F8: variants seen among roughly 807,000 people sequenced by gnomAD.
The protein encoded by F8 is coagulation factor VIII.
In F8, 12 loss-of-function variants were observed where a neutral mutation model predicts 140.6. The ratio of observed to expected loss-of-function variants is 0.09; its 90% confidence interval spans 0.05 to 0.14. The LOEUF (loss-of-function observed/expected upper bound fraction) is 0.14. F8 is among the 10% of genes least tolerant of loss of function. The probability of loss-of-function intolerance (pLI) is 1.00; values close to 1 mark genes in which losing one functional copy is unlikely to be tolerated. For synonymous variants in F8, 585 were observed against 614.6 expected (o/e 0.95, Z 0.71); for missense variants, 1,354 against 1,720.7 (o/e 0.79, Z 3.77).
At position 154,905,034 on chromosome X, in the gene F8, A is replaced by G; in HGVS notation, c.5374-11T>C. 8.7e-7 allele frequency: 1 copy of G among 1,149,286 alleles called. No homozygotes were observed. The highest frequency in any genetic ancestry group is 1.2e-6 in the Non-Finnish European group (1 of 840,404). The allele number at this position is 1,149,286 out of a possible 1,213,427, so 94.7% of individuals were successfully genotyped here. ...ATTTCTGAAAGTTACCTGTAGAACA[A>G]TAACGACAAAAAAAAAAAAGCAAGA... On this transcript the variant is annotated splice_polypyrimidine_tract_variant and intron_variant, in intron 15 of 25. Coordinates refer to ENST00000360256, the MANE Select transcript of F8 (RefSeq NM_000132.4).
chrX:154,839,655 C>T (rs1370080169), intron 25 of F8, among the ~76,000 whole-genome samples: 2 of 111,543 alleles, frequency 1.8e-5, no homozygotes, highest in Non-Finnish European at 3.8e-5. Context: ...AAAGGTCTTC[C>T]TCATTATTCC....
chrX:154,927,128 C>T (rs1163593230), intron 14 of F8, among the ~76,000 whole-genome samples: 1 of 111,388 alleles, frequency 9.0e-6, no homozygotes, highest in Non-Finnish European at 1.9e-5. Context: ...GGCTAGTAAT[C>T]AGTAATGTAA....
rs1188007183 is a variant in F8, at chrX:154,953,756, A to C, written c.1903+136T>G. 4.9e-6 allele frequency: 4 copies of C among 818,714 alleles called. No individual in the cohort carries two copies. The African/African-American group carries it at 8.1e-5, about 17-fold the overall frequency. 67.5% of individuals were successfully genotyped at this position (818,714 alleles called of 1,213,427 possible). ...TTATATGATCACGTGTGTTTGAGTA[A>C]AAATTATACATTTATAGGTAACATA... is the stretch of plus-strand genomic sequence containing the variant. On this transcript the variant is annotated intron_variant, in intron 12 of 25. Transcript: ENST00000360256.
rs782815678 is a variant in F8, at chrX:154,861,675, C to G, written c.6723+43G>C. 5.8e-6 allele frequency: 7 copies of G among 1,201,941 alleles called. No individual in the cohort carries two copies. The Admixed American group carries it at 8.8e-5, about 15-fold the overall frequency. ...GGCCTTCCCCGATTTTTTCCCCAAC[C>G]ACTGCTCTGAGTCAGTTAAACAGTA... On this transcript the variant is annotated intron_variant, in intron 24 of 25. Transcript: ENST00000360256.
chrX:154,980,531 A>C (rs937361745), intron 6 of F8, among the ~76,000 whole-genome samples: 1 of 111,867 alleles, frequency 8.9e-6, no homozygotes, highest in Non-Finnish European at 1.9e-5. Flanking sequence ...TCATTTGTTG[A>C]GGCTGTCTTT....
chrX:154,966,120 C>A lies in F8; in HGVS notation c.1293G>T (p.Leu431Phe), dbSNP rs28933672. The A allele has an allele frequency of 8.3e-7, 1 of 1,209,476 alleles. No individual in the cohort carries two copies. The highest frequency in any genetic ancestry group is 1.1e-6 in the Non-Finnish European group (1 of 894,663). The change falls in exon 9 of 26, where the codon TTG becomes TTT. Residue 431 changes from leucine to phenylalanine, a missense_variant. Coordinates refer to ENST00000360256, the MANE Select transcript of F8 (RefSeq NM_000132.4). ...PDDRSYKSQY[L>F]NNGPQRIGRK... The stretch of plus-strand genomic sequence containing the variant: ...TACCAATCCGCTGAGGGCCATTGTT[C>A]AAATATTGACTTTTATAACTTCTGT...
At chrX:154,973,297 G>A (rs1462693801) in intron 6 of F8, among the ~76,000 whole-genome samples, 2 of 112,086 alleles carry the variant, frequency 1.8e-5, no homozygotes, top group Non-Finnish European at 1.9e-5. Flanking sequence ...ATGCCTCCAG[G>A]TTTATTCTTT....
At chrX:154,856,967 C>G (rs1440804649) in intron 25 of F8, among the ~76,000 whole-genome samples, 1 of 111,818 alleles carries the variant, frequency 8.9e-6, no homozygotes, top group African/African-American at 3.3e-5. Context: ...AAAGTGGATG[C>G]AGAGGATCTG....
chrX:154,993,528 A>G (rs1557284852), intron 3 of F8, among the ~76,000 whole-genome samples: 1 of 111,870 alleles, frequency 8.9e-6, no homozygotes, highest in Non-Finnish European at 1.9e-5. Flanking sequence ...CTGGGATTAC[A>G]GGCGCGAACC....
rs1557270917 is a variant in F8, at chrX:154,836,437, T to A, written c.*1160A>T. On this transcript the variant is annotated 3_prime_UTR_variant, in exon 26 of 26. Transcript: ENST00000360256. ...GAAGGGGGATCCTATTGTGTGGTGA[T>A]ATGGCAGACTGGAGTGTTTTTTCTG... 9.0e-6 allele frequency: 1 copy of A among 111,396 alleles called. No homozygotes were observed. Among genetic ancestry groups the A allele is most frequent in the Non-Finnish European group, 1.9e-5 (1 of 53,101 alleles). 9.2% of individuals were successfully genotyped at this position (111,396 alleles called of 1,213,427 possible).
At position 154,838,762 on chromosome X, in the gene F8, G is replaced by T. The variant is rs145268539; in HGVS notation, c.6901-1010C>A. 3.2e-3 allele frequency among the ~76,000 whole-genome samples: 359 copies of T among 111,892 alleles called. 6 individuals are homozygous for T. In the East Asian group the frequency reaches 0.039, roughly 12 times the overall value. Reference sequence around the variant, plus strand: ...TGGGAAGAGACTTTTCCTGGCAAATGCACTGTGAAGTAACACTGTGATCCT... The same window carrying T: ...TGGGAAGAGACTTTTCCTGGCAAATTCACTGTGAAGTAACACTGTGATCCT... On this transcript the variant is annotated intron_variant, in intron 25 of 25. Coordinates refer to ENST00000360256, the MANE Select transcript of F8 (RefSeq NM_000132.4).
intron 21 of F8, among the ~76,000 whole-genome samples, chrX:154,898,979 A>G (rs2072996556): frequency 8.9e-6 from 1 of 112,152 alleles, no homozygotes. Context: ...AAAAAATTAA[A>G]TAGCACAGAC....
At chrX:154,865,001 C>G (rs2072720980) in intron 22 of F8, among the ~76,000 whole-genome samples, 1 of 111,369 alleles carries the variant, frequency 9.0e-6, no homozygotes, top group Admixed American at 9.6e-5. Context: ...CAAAGATAAC[C>G]AAATACATTA....
In F8 at chrX:154,953,962, T is replaced by C. The variant is rs782178338; in HGVS notation, c.1833A>G (p.Gln611=). 22 of 1,209,896 alleles carry C rather than the reference T, an allele frequency of 1.8e-5. No individual in the cohort carries two copies. Among genetic ancestry groups the C allele is most frequent in the African/African-American group, 8.7e-5 (5 of 57,191 alleles). ...NRSWYLTENI[Q]RFLPNPAGVQ... is the part of the protein sequence containing the mutation. ...CTCCAGCTGGATTGGGGAGAAAGCGTTGTATATTCTCTGTGAGGTACCAGC... is the reference window on the plus strand; with the variant it reads ...CTCCAGCTGGATTGGGGAGAAAGCGCTGTATATTCTCTGTGAGGTACCAGC... The change falls in exon 12 of 26, where the codon CAA becomes CAG. Residue 611 remains glutamine (Q), a synonymous_variant. Coordinates refer to ENST00000360256, the MANE Select transcript of F8 (RefSeq NM_000132.4).
chrX:154,848,640 G>A (rs957099675), intron 25 of F8, among the ~76,000 whole-genome samples: 29 of 112,006 alleles, frequency 2.6e-4, no homozygotes, highest in African/African-American at 7.8e-4. Context: ...TTGGAAAAGC[G>A]CAGTATTAGG....
intron 13 of F8, among the ~76,000 whole-genome samples, chrX:154,946,973 C>T (rs1365517153): frequency 9.0e-6 from 1 of 111,211 alleles, no homozygotes; most frequent in Admixed American, 9.5e-5. Flanking sequence ...CGCCTGTAAT[C>T]CCAGCACTTT....
At chrX:154,856,537 C>T (rs2072652444) in intron 25 of F8, among the ~76,000 whole-genome samples, 1 of 112,116 alleles carries the variant, frequency 8.9e-6, no homozygotes, top group Non-Finnish European at 1.9e-5. Flanking sequence ...GATAGAATGC[C>T]TACCAAATTC....
intron 22 of F8, among the ~76,000 whole-genome samples, chrX:154,866,914 GTTGA>G (rs1432879483): frequency 9.9e-5 from 11 of 110,893 alleles, no homozygotes; most frequent in African/African-American, 2.9e-4. Flanking sequence ...AAAACTAAGA[GTTGA>G]TTTTTTTGAA....
chrX:154,976,936 AGTT>A (rs2073489852), intron 6 of F8, among the ~76,000 whole-genome samples: 1 of 111,496 alleles, frequency 9.0e-6, no homozygotes, highest in Non-Finnish European at 1.9e-5. Flanking sequence ...CTTGTTTTCT[AGTT>A]GTTGTGTAGA....
Sources: allele counts gnomAD v4.1 joint callset (sites outside exome capture counted in the v4.1 genomes callset), GRCh38; gene constraint gnomAD v4.1.1; transcripts MANE v1.5; gene names NCBI Gene and HGNC (gene_info 2026-07-23, HGNC 2026-07-21).